BNC2: variants seen among roughly 807,000 people sequenced by gnomAD.
The protein encoded by BNC2 is zinc finger protein basonuclin-2.
A neutral mutation model predicts 76.3 loss-of-function variants in BNC2; 20 were observed. The ratio of observed to expected loss-of-function variants is 0.26; its 90% CI spans 0.18 to 0.38. The LOEUF is 0.38. Ranked by LOEUF, BNC2 falls within the 10% of genes least tolerant of loss-of-function variation. BNC2 has a pLI of 1.00. For synonymous variants in BNC2, 582 were observed against 514.8 expected (o/e 1.13, Z -1.77); for missense variants, 1,382 against 1,399.8 (o/e 0.99, Z 0.20).
intron 6 of BNC2, among the ~76,000 whole-genome samples, chr9:16,426,679 G>C (rs1260003295): frequency 6.6e-6 from 1 of 152,120 alleles, no homozygotes; most frequent in East Asian, 1.9e-4. Context: ...AAAACTACCA[G>C]CCAAAACATG....
intron 5 of BNC2, among the ~76,000 whole-genome samples, chr9:16,502,728 T>C (rs1822547017): frequency 6.6e-6 from 1 of 152,176 alleles, no homozygotes; most frequent in Non-Finnish European, 1.5e-5. Context: ...AATCATACTT[T>C]ACATAAAAAT....
At chr9:16,575,136 G>T in intron 4 of BNC2, 1 of 364,720 alleles carries the variant, frequency 2.7e-6, no homozygotes, top group Non-Finnish European at 3.8e-6. Flanking sequence ...ACATTTCACA[G>T]ATGACAGAAC....
intron 3 of BNC2, among the ~76,000 whole-genome samples, chr9:16,603,060 T>G (rs1016106450): frequency 2.6e-5 from 4 of 152,236 alleles, no homozygotes; most frequent in Non-Finnish European, 5.9e-5. Context: ...CAAGTAGCAT[T>G]ACATGCTTCG....
intron 5 of BNC2, among the ~76,000 whole-genome samples, chr9:16,525,402 TG>T (rs1454500930): frequency 1.3e-5 from 2 of 151,800 alleles, no homozygotes; most frequent in East Asian, 3.9e-4. Flanking sequence ...GTGCTAAAAA[TG>T]AAACGGATTT....
At chr9:16,624,615 G>T (rs1820943978) in intron 3 of BNC2, among the ~76,000 whole-genome samples, 1 of 152,076 alleles carries the variant, frequency 6.6e-6, no homozygotes, top group Admixed American at 6.6e-5. Flanking sequence ...ATTGTCTCTG[G>T]TCAACCTGTA....
chr9:16,514,135 C>A (rs940973005), intron 5 of BNC2, among the ~76,000 whole-genome samples: 2 of 152,188 alleles, frequency 1.3e-5, no homozygotes, highest in Non-Finnish European at 2.9e-5. Flanking sequence ...CCTGGTCCAA[C>A]CCTTCAGTGA....
At chr9:16,799,498 A>G (rs1022240943) in intron 1 of BNC2, among the ~76,000 whole-genome samples, 24 of 152,054 alleles carry the variant, frequency 1.6e-4, no homozygotes, top group African/African-American at 5.6e-4. Context: ...TATTTTTAGT[A>G]GAGACAGGGT....
chr9:16,464,009 G>A (rs1821647926), intron 5 of BNC2, among the ~76,000 whole-genome samples: 1 of 147,144 alleles, frequency 6.8e-6, no homozygotes, highest in South Asian at 2.1e-4. Context: ...CAAGAGAATT[G>A]CTTGAACCTG....
chr9:16,858,071 T>G (rs1351176996), intron 1 of BNC2, among the ~76,000 whole-genome samples: 2 of 152,196 alleles, frequency 1.3e-5, no homozygotes, highest in Non-Finnish European at 2.9e-5. Flanking sequence ...CTGGACCAGT[T>G]ATTTTGGGTT....
At chr9:16,566,187 C>G (rs920802222) in intron 4 of BNC2, among the ~76,000 whole-genome samples, 4 of 152,088 alleles carry the variant, frequency 2.6e-5, no homozygotes, top group African/African-American at 9.7e-5. Flanking sequence ...ACTTATGTTC[C>G]TACTTATCTC....
intron 1 of BNC2, among the ~76,000 whole-genome samples, chr9:16,776,179 G>T (rs766860840): frequency 6.7e-6 from 1 of 148,656 alleles, no homozygotes; most frequent in Non-Finnish European, 1.5e-5. Flanking sequence ...CGCTCTTGTC[G>T]CCCAGGCTGG....
chr9:16,502,836 G>T (rs1822549025), intron 5 of BNC2, among the ~76,000 whole-genome samples: 1 of 152,208 alleles, frequency 6.6e-6, no homozygotes, highest in African/African-American at 2.4e-5. Context: ...ACTTGATGAA[G>T]AGATGGGGTT....
At chr9:16,861,797 G>A (rs1427142705) in intron 1 of BNC2, among the ~76,000 whole-genome samples, 2 of 152,186 alleles carry the variant, frequency 1.3e-5, no homozygotes, top group African/African-American at 4.8e-5. Context: ...AGACCATCCT[G>A]GCTAACACAG....
intron 5 of BNC2, among the ~76,000 whole-genome samples, chr9:16,460,683 G>A (rs564342870): frequency 7.2e-5 from 11 of 152,230 alleles, no homozygotes; most frequent in Middle Eastern, 3.4e-3. Flanking sequence ...TGGAGTCACA[G>A]AGCGGTGCTT....
At chr9:16,659,351 C>CT (rs939171429) in intron 3 of BNC2, among the ~76,000 whole-genome samples, 1 of 151,992 alleles carries the variant, frequency 6.6e-6, no homozygotes, top group Non-Finnish European at 1.5e-5. Flanking sequence ...GTGGCTCACG[C>CT]GTAATCACAG....
rs115111380 is a variant in BNC2 at position 16,843,281 on chromosome 9, T to C, written c.3+27365A>G. Among the ~76,000 whole-genome samples, 4 of 152,338 alleles carry C rather than the reference T, an allele frequency of 2.6e-5. No individual in the cohort carries two copies. The East Asian group carries it at 7.7e-4, about 29-fold the overall frequency. ...GGGTTATAATTCTGTTTGTACTAGATAGTACTGAGATGTCATTTATGGTCG... is the reference window on the plus strand; with the variant it reads ...GGGTTATAATTCTGTTTGTACTAGACAGTACTGAGATGTCATTTATGGTCG... On this transcript the variant is annotated intron_variant, in intron 1 of 6. Coordinates refer to ENST00000380672, the MANE Select transcript of BNC2 (RefSeq NM_017637.6).
At chr9:16,842,737 C>T (rs905466853) in intron 1 of BNC2, among the ~76,000 whole-genome samples, 4 of 151,856 alleles carry the variant, frequency 2.6e-5, no homozygotes, top group Non-Finnish European at 4.4e-5. Context: ...TTGTGTAAGC[C>T]TGAACTTATT....
chr9:16,665,386 A>AGAGAGAGAGAGAGAGAG (rs369857371), intron 3 of BNC2, among the ~76,000 whole-genome samples: 1 of 84,302 alleles, frequency 1.2e-5, no homozygotes, highest in African/African-American at 4.9e-5. Flanking sequence ...AAAAAAAAAA[A>AGAGAGAGAGAGAGAGAG]AGAGAGAGAG....
At chr9:16,777,998 A>G (rs914779449) in intron 1 of BNC2, among the ~76,000 whole-genome samples, 1 of 152,236 alleles carries the variant, frequency 6.6e-6, no homozygotes, top group African/African-American at 2.4e-5. Flanking sequence ...CCAAAGCCAC[A>G]CTAACATATA....
Sources: gnomAD v4.1 joint callset for allele counts (sites outside exome capture counted in the v4.1 genomes callset) on GRCh38, gnomAD v4.1.1 for gene constraint, MANE v1.5 for transcripts, NCBI Gene and HGNC (gene_info 2026-07-23, HGNC 2026-07-21) for gene names.